Variants in IMMP2L observed in about 807,000 individuals in gnomAD.
IMMP2L encodes the protein inner mitochondrial membrane peptidase subunit 2.
In IMMP2L, 18 loss-of-function variants were observed where a neutral mutation model predicts 19.3. The observed-to-expected ratio is 0.93, with a 90% CI of 0.64 to 1.38. IMMP2L has a LOEUF of 1.38. Among genes scored for constraint, IMMP2L ranks in the 40% most tolerant of loss-of-function variants. IMMP2L has a pLI of 0.00. For synonymous variants in IMMP2L, 76 were observed against 73.0 expected (o/e 1.04, Z -0.21); for missense variants, 233 against 218.2 (o/e 1.07, Z -0.43).
chr7:111,329,897 A>C (rs940738757), intron 3 of IMMP2L, among the ~76,000 whole-genome samples: 5 of 151,972 alleles, frequency 3.3e-5, no homozygotes, highest in Admixed American at 1.3e-4. Flanking sequence ...ACCTAGCATA[A>C]AAAGAAAATT....
At chr7:111,128,120 C>T (rs1801494526) in intron 3 of IMMP2L, among the ~76,000 whole-genome samples, 1 of 152,054 alleles carries the variant, frequency 6.6e-6, no homozygotes, top group Non-Finnish European at 1.5e-5. Flanking sequence ...AGTAAAACTA[C>T]ACACAAACAT....
intron 3 of IMMP2L, among the ~76,000 whole-genome samples, chr7:111,290,949 C>T (rs758578841): frequency 6.6e-6 from 1 of 151,712 alleles, no homozygotes; most frequent in Non-Finnish European, 1.5e-5. Flanking sequence ...TTCACTATAC[C>T]TAGAATAATG....
At position 111,250,232 on chromosome 7, in the gene IMMP2L, A is replaced by C. The variant is rs534138777; in HGVS notation, c.239+237006T>G. 4.6e-5 allele frequency among the ~76,000 whole-genome samples: 7 copies of C among 152,268 alleles called. No homozygotes were observed. In the East Asian group the frequency reaches 1.4e-3, roughly 29 times the overall value. The stretch of plus-strand genomic sequence containing the variant: ...AAGGACCTCTTCAAGGAGAACTACA[A>C]ACCACTGCTCCAAGAAATCAAAGGA... On this transcript the variant is annotated intron_variant, in intron 3 of 5. Coordinates refer to ENST00000405709, the MANE Select transcript of IMMP2L (RefSeq NM_032549.4).
At chr7:111,477,485 T>C (rs895390777) in intron 3 of IMMP2L, among the ~76,000 whole-genome samples, 2 of 152,230 alleles carry the variant, frequency 1.3e-5, no homozygotes, top group East Asian at 1.9e-4. Flanking sequence ...ACATTCTAGA[T>C]TGACATTTTT....
At chr7:111,553,755 G>A (rs4392837) in intron 1 of IMMP2L, among the ~76,000 whole-genome samples, 121,306 of 152,090 alleles carry the variant, frequency 0.8, 50,174 homozygotes, top group East Asian at 0.97. Flanking sequence ...CAAAATGCTC[G>A]TGATGGTAAA....
At chr7:111,068,197 TAA>T (rs1258597629) in intron 3 of IMMP2L, among the ~76,000 whole-genome samples, 2 of 152,010 alleles carry the variant, frequency 1.3e-5, no homozygotes, top group Non-Finnish European at 2.9e-5. Flanking sequence ...GAATACAGAC[TAA>T]GAGAAGGAAA....
chr7:111,502,383 A>T (rs1224207599), intron 2 of IMMP2L, among the ~76,000 whole-genome samples: 2 of 152,132 alleles, frequency 1.3e-5, no homozygotes, highest in South Asian at 2.1e-4. Flanking sequence ...AGACTTTAAC[A>T]CCCCGCTGTC....
chr7:111,408,256 G>T lies in IMMP2L; in HGVS notation c.239+78982C>A, dbSNP rs150952931. Among the ~76,000 whole-genome samples the T allele has an allele frequency of 2.4e-3, 359 of 151,680 alleles. 3 individuals carry two copies. The highest frequency in any genetic ancestry group is 0.01 in the Middle Eastern group (3 of 294). On this transcript the variant is annotated intron_variant, in intron 3 of 5. Transcript: ENST00000405709. Reference sequence around the variant, plus strand: ...TGCAACACTTCTGATTATCTGTATAGCCATTGAAACAAGTAATAAGTATAA... The same window carrying T: ...TGCAACACTTCTGATTATCTGTATATCCATTGAAACAAGTAATAAGTATAA...
chr7:110,862,162 A>G (rs1257548959), intron 5 of IMMP2L, among the ~76,000 whole-genome samples: 1 of 151,932 alleles, frequency 6.6e-6, no homozygotes, highest in African/African-American at 2.4e-5. Context: ...TACTTTTATA[A>G]AATCCCCCAG....
chr7:111,357,501 CT>C (rs1181833219), intron 3 of IMMP2L, among the ~76,000 whole-genome samples: 2 of 152,094 alleles, frequency 1.3e-5, no homozygotes, highest in African/African-American at 2.4e-5. Context: ...ACATAGCCCC[CT>C]AACCATGTTT....
intron 5 of IMMP2L, among the ~76,000 whole-genome samples, chr7:110,875,354 A>T (rs2129544286): frequency 6.6e-6 from 1 of 151,938 alleles, no homozygotes; most frequent in Admixed American, 6.6e-5. Flanking sequence ...CAGCACATAT[A>T]TTTTCTTTGT....
chr7:111,113,349 T>C (rs1180252088), intron 3 of IMMP2L, among the ~76,000 whole-genome samples: 5 of 152,182 alleles, frequency 3.3e-5, no homozygotes, highest in Non-Finnish European at 5.9e-5. Context: ...CTGAGATTGA[T>C]AAAAGCATTT....
At chr7:110,824,657 C>T (rs756659332) in intron 5 of IMMP2L, among the ~76,000 whole-genome samples, 5 of 152,142 alleles carry the variant, frequency 3.3e-5, no homozygotes, top group East Asian at 1.9e-4. Context: ...GATGAACCAC[C>T]GCTCCCAGCC....
intron 2 of IMMP2L, among the ~76,000 whole-genome samples, chr7:111,506,844 G>A (rs920584078): frequency 7.3e-5 from 11 of 151,682 alleles, no homozygotes; most frequent in Admixed American, 7.2e-4. Flanking sequence ...TTTTGTTTTT[G>A]CTTTTGTTTT....
intron 3 of IMMP2L, among the ~76,000 whole-genome samples, chr7:111,077,091 T>C (rs777579493): frequency 6.6e-6 from 1 of 152,192 alleles, no homozygotes; most frequent in Non-Finnish European, 1.5e-5. Context: ...ATTCACAACC[T>C]AAGGCCTTTG....
chr7:111,138,565 C>A (rs138069656), intron 3 of IMMP2L, among the ~76,000 whole-genome samples: 132 of 152,264 alleles, frequency 8.7e-4, no homozygotes, highest in African/African-American at 3.0e-3. Context: ...TAGGCATCTG[C>A]AAACAAACAA....
chr7:111,480,726 A>G (rs1842111841), intron 3 of IMMP2L, among the ~76,000 whole-genome samples: 1 of 152,076 alleles, frequency 6.6e-6, no homozygotes, highest in South Asian at 2.1e-4. Flanking sequence ...AAACTCAGAA[A>G]AATGTTTGGC....
chr7:110,970,343 T>C lies in IMMP2L; in HGVS notation c.240-6778A>G, dbSNP rs77830643. On this transcript the variant is annotated intron_variant, in intron 3 of 5. Transcript: ENST00000405709. ...CTTCAAGTATTTAATATAATTACAA[T>C]TTACCTCACCATCTAGAATAATTTG... 5.7e-4 allele frequency among the ~76,000 whole-genome samples: 87 copies of C among 152,212 alleles called. 1 individual carries two copies. The East Asian group carries it at 0.014, about 25-fold the overall frequency.
At chr7:111,479,771 T>C (rs1274324363) in intron 3 of IMMP2L, among the ~76,000 whole-genome samples, 1 of 152,112 alleles carries the variant, frequency 6.6e-6, no homozygotes, top group Non-Finnish European at 1.5e-5. Flanking sequence ...AATGAAAACA[T>C]TTATAAACAT....
Sources: gnomAD v4.1 joint callset for allele counts (sites outside exome capture counted in the v4.1 genomes callset) on GRCh38, gnomAD v4.1.1 for gene constraint, MANE v1.5 for transcripts, NCBI Gene and HGNC (gene_info 2026-07-23, HGNC 2026-07-21) for gene names.